GDPD4: variants seen among roughly 807,000 people sequenced by gnomAD.
GDPD4 encodes the protein glycerophosphodiester phosphodiesterase domain containing 4, also known as glycerophosphodiester phosphodiesterase 6.
Under a neutral mutation model 67.8 loss-of-function variants are expected in GDPD4, and 60 were observed. That is an observed-to-expected ratio of 0.88 (90% confidence interval 0.72 to 1.10). GDPD4 has a LOEUF of 1.10. GDPD4 is among the 50% of genes least tolerant of loss of function. GDPD4 has a pLI of 0.00. For synonymous variants in GDPD4, 212 were observed against 210.9 expected (o/e 1.00, Z -0.04); for missense variants, 623 against 613.9 (o/e 1.01, Z -0.16).
At chr11:77,236,444 A>G (rs532331056) in intron 13 of GDPD4, among the ~76,000 whole-genome samples, 16 of 152,214 alleles carry the variant, frequency 1.1e-4, no homozygotes, top group African/African-American at 3.9e-4. Context: ...TAAAAGTCCG[A>G]GATTATCCTA....
Position 77,285,187 on chromosome 11 carries a change from TCTGGG to T in GDPD4, c.-50-5_-50-1del. 1 of 1,445,680 alleles carries T rather than the reference TCTGGG, an allele frequency of 6.9e-7. No individual in the cohort carries two copies. Among genetic ancestry groups the T allele is most frequent in the Non-Finnish European group, 9.7e-7 (1 of 1,032,934 alleles). The allele number at this position is 1,445,680 out of a possible 1,614,324, so 89.6% of individuals were successfully genotyped here. On this transcript the variant is annotated splice_acceptor_variant and splice_polypyrimidine_tract_variant and intron_variant, in intron 2 of 16. Coordinates refer to ENST00000315938, the MANE Select transcript of GDPD4 (RefSeq NM_182833.3). LOFTEE classifies it low-confidence loss of function (5UTR_SPLICE). ...CAGGCACGGCAAAATAATTGCTCTT[TCTGGG>T]AAAAGAAAAAAGAAATCTAACTTAG...
intron 15 of GDPD4, among the ~76,000 whole-genome samples, chr11:77,228,178 C>T (rs927840430): frequency 6.6e-6 from 1 of 150,876 alleles, no homozygotes; most frequent in South Asian, 2.1e-4. Flanking sequence ...CATGGTGAAA[C>T]CCCATCTCTA....
In GDPD4 at chr11:77,217,202, T is replaced by C; in HGVS notation, c.*75A>G. On this transcript the variant is annotated 3_prime_UTR_variant, in exon 17 of 17. Transcript: ENST00000315938. ...CTTTCCACTCTTGGGTAGAGCCGGG[T>C]AGAGGGCTGCTAGAGTCCAAGGACC... The C allele has an allele frequency of 9.1e-7, 1 of 1,101,786 alleles. No individual in the cohort carries two copies. Among genetic ancestry groups the C allele is most frequent in the South Asian group, 1.2e-5 (1 of 80,924 alleles). The allele number at this position is 1,101,786 out of a possible 1,614,324, so 68.3% of individuals were successfully genotyped here.
chr11:77,268,002 AATGGCCTT>A, intron 10 of GDPD4, among the ~76,000 whole-genome samples: 1 of 152,222 alleles, frequency 6.6e-6, no homozygotes, highest in African/African-American at 2.4e-5. Context: ...TCTTGCCACA[AATGGCCTT>A]ATTCTGTAGT....
intron 16 of GDPD4, among the ~76,000 whole-genome samples, chr11:77,221,097 T>G (rs1001267459): frequency 1.8e-5 from 1 of 54,640 alleles, no homozygotes; most frequent in Non-Finnish European, 4.2e-5. Context: ...TCAGTGGTGA[T>G]ATCCCCTTTA....
intron 13 of GDPD4, 52 bp from the exon 14 acceptor site, chr11:77,233,224 C>T (rs1958486978): frequency 6.4e-7 from 1 of 1,568,388 alleles, no homozygotes; most frequent in Non-Finnish European, 8.8e-7. Context: ...TCATTCTCAT[C>T]ATCTAAAAGG....
intron 16 of GDPD4, among the ~76,000 whole-genome samples, chr11:77,226,365 A>G (rs777434178): frequency 6.6e-6 from 1 of 152,156 alleles, no homozygotes; most frequent in African/African-American, 2.4e-5. Context: ...AAATGAAGCC[A>G]TAAGGGTGGG....
chr11:77,253,739 C>T (rs1252047540), intron 11 of GDPD4, among the ~76,000 whole-genome samples: 5 of 152,120 alleles, frequency 3.3e-5, no homozygotes, highest in Non-Finnish European at 7.4e-5. Context: ...CATTTCCCTG[C>T]CACACAGGGC....
At chr11:77,220,168 C>T (rs1468384293) in intron 16 of GDPD4, among the ~76,000 whole-genome samples, 1 of 152,174 alleles carries the variant, frequency 6.6e-6, no homozygotes, top group Non-Finnish European at 1.5e-5. Flanking sequence ...GACAATTTGA[C>T]TTCCTCTCTT....
At chr11:77,238,917 C>T (rs1958613003) in intron 13 of GDPD4, among the ~76,000 whole-genome samples, 1 of 152,196 alleles carries the variant, frequency 6.6e-6, no homozygotes, top group African/African-American at 2.4e-5. Context: ...GCCAATATCA[C>T]CAATGAAATC....
chr11:77,239,648 C>A (rs1958627456), intron 13 of GDPD4, among the ~76,000 whole-genome samples: 1 of 152,036 alleles, frequency 6.6e-6, no homozygotes, highest in Non-Finnish European at 1.5e-5. Context: ...AAGATCTGTA[C>A]ACTAAAAACT....
At chr11:77,276,048 A>G in intron 5 of GDPD4, 113 bp downstream of exon 5, 1 of 719,076 alleles carries the variant, frequency 1.4e-6, no homozygotes, top group Non-Finnish European at 2.5e-6. Flanking sequence ...CAAGGAGAAC[A>G]GTAACAGAGA....
At chr11:77,228,769 C>T (rs1012249636) in intron 15 of GDPD4, among the ~76,000 whole-genome samples, 1 of 152,146 alleles carries the variant, frequency 6.6e-6, no homozygotes, top group Non-Finnish European at 1.5e-5. Flanking sequence ...AGGGACAAAG[C>T]CAGAGCTAAA....
intron 1 of GDPD4, among the ~76,000 whole-genome samples, chr11:77,296,255 A>G (rs1344296167): frequency 6.7e-6 from 1 of 148,940 alleles, no homozygotes; most frequent in East Asian, 1.9e-4. Flanking sequence ...CGTCTCAAAA[A>G]AAAAAAAAAA....
intron 14 of GDPD4, among the ~76,000 whole-genome samples, 161 bp from the exon 15 acceptor site, chr11:77,229,393 A>T (rs566614151): frequency 6.6e-6 from 1 of 152,374 alleles, no homozygotes; most frequent in South Asian, 2.1e-4. Flanking sequence ...AAACACAGAC[A>T]GTCCCTGCAA....
chr11:77,285,061 G>A, intron 3 of GDPD4, 24 bp downstream of exon 3: 1 of 1,577,794 alleles, frequency 6.3e-7, no homozygotes, highest in African/African-American at 1.3e-5. Context: ...TTACACAAAT[G>A]AAACTACAAA....
chr11:77,252,200 C>A (rs1484477141), intron 11 of GDPD4, among the ~76,000 whole-genome samples: 2 of 151,794 alleles, frequency 1.3e-5, no homozygotes. Flanking sequence ...GTAGCTGGGA[C>A]TACAGGCACA....
At chr11:77,291,497 T>TA (rs916920920) in intron 1 of GDPD4, among the ~76,000 whole-genome samples, 47 of 152,202 alleles carry the variant, frequency 3.1e-4, no homozygotes, top group Non-Finnish European at 2.6e-4. Flanking sequence ...CTCTGTATTT[T>TA]AAAATAGCTA....
intron 16 of GDPD4, among the ~76,000 whole-genome samples, chr11:77,226,960 A>C (rs1157718762): frequency 2.0e-5 from 3 of 152,230 alleles, no homozygotes; most frequent in African/African-American, 7.2e-5. Flanking sequence ...GGTACATGGA[A>C]TATCAGGAGC....
Sources: allele counts gnomAD v4.1 joint callset (sites outside exome capture counted in the v4.1 genomes callset), GRCh38; gene constraint gnomAD v4.1.1; transcripts MANE v1.5; gene names NCBI Gene and HGNC (gene_info 2026-07-23, HGNC 2026-07-21).